Variants in XRCC6 observed in about 807,000 individuals in gnomAD.
XRCC6 encodes X-ray repair cross complementing 6, also known as DNA repair protein Ku70.
Under a neutral mutation model 65.7 loss-of-function variants are expected in XRCC6, and 5 were observed. That is an observed-to-expected ratio of 0.08 (90% CI 0.04 to 0.16). The LOEUF (loss-of-function observed/expected upper bound fraction) is 0.16. Ranked by LOEUF, XRCC6 falls within the 10% of genes least tolerant of loss-of-function variation. The pLI is 1.00. For synonymous variants in XRCC6, 270 were observed against 270.6 expected, an observed-to-expected ratio of 1.00 and a Z score of 0.02; for missense variants, 447 against 738.1, an observed-to-expected ratio of 0.61 and a Z score of 4.57.
At chr22:41,624,824 T>C (rs1304876020) in intron 2 of XRCC6, among the ~76,000 whole-genome samples, 2 of 149,032 alleles carry the variant, frequency 1.3e-5, no homozygotes, top group Non-Finnish European at 3.0e-5. Flanking sequence ...GGTGAAACCC[T>C]GTGTCTACTA....
At chr22:41,663,475 A>G (rs2068118435) in intron 12 of XRCC6, 147 bp from the exon 13 acceptor site, 1 of 846,760 alleles carries the variant, frequency 1.2e-6, no homozygotes, top group Non-Finnish European at 1.9e-6. Flanking sequence ...CCTTATCGAG[A>G]TAAGTCTTCC....
intron 3 of XRCC6, among the ~76,000 whole-genome samples, chr22:41,628,798 A>C (rs2067706863): frequency 6.6e-6 from 1 of 151,646 alleles, no homozygotes; most frequent in Non-Finnish European, 1.5e-5. Context: ...CCCTGTCTCT[A>C]CTAACAATGC....
At chr22:41,638,345 A>T (rs1348753315) in intron 6 of XRCC6, among the ~76,000 whole-genome samples, 2 of 152,192 alleles carry the variant, frequency 1.3e-5, no homozygotes, top group African/African-American at 4.8e-5. Context: ...CAGAGAGTAC[A>T]GCTTGACTAC....
At chr22:41,650,074 G>A (rs2067980632) in intron 7 of XRCC6, among the ~76,000 whole-genome samples, 1 of 151,810 alleles carries the variant, frequency 6.6e-6, no homozygotes, top group African/African-American at 2.4e-5. Context: ...TGTGTGTCAG[G>A]GATGGTGCTG....
At chr22:41,638,702 C>G (rs770313622) in intron 6 of XRCC6, among the ~76,000 whole-genome samples, 4 of 141,792 alleles carry the variant, frequency 2.8e-5, no homozygotes, top group Non-Finnish European at 4.5e-5. Context: ...CGCTTGAACC[C>G]AGGAGTCAGA....
intron 3 of XRCC6, among the ~76,000 whole-genome samples, chr22:41,634,868 G>C (rs2067793360): frequency 6.6e-6 from 1 of 152,094 alleles, no homozygotes; most frequent in African/African-American, 2.4e-5. Flanking sequence ...TACAAGACCT[G>C]ATGTACCAGA....
chr22:41,643,642 G>A (rs898014588), intron 6 of XRCC6, among the ~76,000 whole-genome samples: 4 of 151,910 alleles, frequency 2.6e-5, no homozygotes, highest in African/African-American at 7.3e-5. Context: ...CCAACATGGC[G>A]AAGCACCGTC....
intron 7 of XRCC6, among the ~76,000 whole-genome samples, chr22:41,647,900 CA>C (rs1233785771): frequency 6.6e-6 from 1 of 152,046 alleles, no homozygotes; most frequent in Non-Finnish European, 1.5e-5. Flanking sequence ...GAATTTTCTC[CA>C]ACTGAAGAGT....
In XRCC6 at chr22:41,631,759, T is replaced by C. The variant is rs577291826; in HGVS notation, c.195+3529T>C. Among the ~76,000 whole-genome samples, 881 of 151,878 alleles carry C rather than the reference T, an allele frequency of 5.8e-3. 2 individuals are homozygous for C. Among genetic ancestry groups the C allele is most frequent in the Non-Finnish European group, 0.011 (716 of 67,944 alleles). On this transcript the variant is annotated intron_variant, in intron 3 of 12. Transcript: ENST00000360079. Reference sequence around the variant, plus strand: ...GGCAGAGGCTGCACTCTGGGCACTTTGGGAGGCCAAGGCAGGCGGCTGGGA... The same window carrying C: ...GGCAGAGGCTGCACTCTGGGCACTTCGGGAGGCCAAGGCAGGCGGCTGGGA...
rs1041916235 is a variant in XRCC6 at position 41,650,755 on chromosome 22, A to G, written c.993A>G (p.Lys331=). The part of the protein sequence containing the change: ...IYGSRQIILE[K]EETEELKRFD... ...GGAGTCGTCAGATTATACTGGAGAA[A>G]GAGGAAACAGAAGAGCTAAAACGGT... The change falls in exon 8 of 13, where the codon AAA becomes AAG. Residue 331 remains lysine (K), a synonymous_variant. Transcript: ENST00000360079. 3.1e-6 allele frequency: 5 copies of G among 1,613,794 alleles called. No individual in the cohort carries two copies. Among genetic ancestry groups the G allele is most frequent in the Non-Finnish European group, 4.2e-6 (5 of 1,179,844 alleles).
At chr22:41,653,733 T>C (rs750630276) in intron 9 of XRCC6, 43 bp downstream of exon 9, 3 of 1,596,806 alleles carry the variant, frequency 1.9e-6, no homozygotes, top group Non-Finnish European at 2.6e-6. Flanking sequence ...ACCTTGCCCA[T>C]ACTTTGGAAT....
chr22:41,644,568 C>G (rs1569090299), intron 6 of XRCC6, among the ~76,000 whole-genome samples: 1 of 152,094 alleles, frequency 6.6e-6, no homozygotes, highest in Non-Finnish European at 1.5e-5. Context: ...TCACTGCAAC[C>G]TCTGCCTCCT....
At chr22:41,646,850 A>C in intron 6 of XRCC6, 46 bp from the exon 7 acceptor site, 2 of 1,506,466 alleles carry the variant, frequency 1.3e-6, no homozygotes, top group Non-Finnish European at 1.8e-6. Flanking sequence ...TTAGATAGAA[A>C]AGTGCAGTTT....
intron 9 of XRCC6, 101 bp from the exon 10 acceptor site, chr22:41,656,802 G>A (rs987198486): frequency 3.2e-6 from 5 of 1,550,208 alleles, no homozygotes. Flanking sequence ...CGGGGCCCCA[G>A]CCCCAGCACC....
chr22:41,658,916 C>CA (rs1555907860), intron 11 of XRCC6, among the ~76,000 whole-genome samples: 1 of 152,120 alleles, frequency 6.6e-6, no homozygotes, highest in Non-Finnish European at 1.5e-5. Flanking sequence ...GGTGACAGAG[C>CA]GAGACGCTGT....
At chr22:41,651,915 C>A (rs2068003578) in intron 8 of XRCC6, among the ~76,000 whole-genome samples, 1 of 152,050 alleles carries the variant, frequency 6.6e-6, no homozygotes. Context: ...TCCCAAGTAG[C>A]TGGGATTACA....
chr22:41,657,964 C>T (rs1034258676), intron 10 of XRCC6, among the ~76,000 whole-genome samples: 6 of 152,116 alleles, frequency 3.9e-5, no homozygotes, highest in Non-Finnish European at 7.4e-5. Context: ...GCTGGGACCA[C>T]AGGCGTGCAC....
intron 8 of XRCC6, among the ~76,000 whole-genome samples, chr22:41,652,929 C>T (rs1053592928): frequency 1.3e-5 from 2 of 151,782 alleles, no homozygotes; most frequent in Non-Finnish European, 2.9e-5. Flanking sequence ...GCCTGTGCCT[C>T]CCAAAGTGCT....
At chr22:41,627,488 A>G (rs958167027) in intron 2 of XRCC6, among the ~76,000 whole-genome samples, 1 of 151,760 alleles carries the variant, frequency 6.6e-6, no homozygotes, top group African/African-American at 2.4e-5. Flanking sequence ...GCGGGCGTCT[A>G]TAATCCCAGC....
Sources: gnomAD v4.1 joint callset for allele counts (sites outside exome capture counted in the v4.1 genomes callset) on GRCh38, gnomAD v4.1.1 for gene constraint, MANE v1.5 for transcripts, NCBI Gene and HGNC (gene_info 2026-07-23, HGNC 2026-07-21) for gene names.